MYZAP: variants seen among roughly 807,000 people sequenced by gnomAD.
MYZAP encodes the protein myocardial zonula adherens protein.
MYZAP carries 66 observed loss-of-function variants against 69.4 expected under a neutral mutation model. That is an observed-to-expected ratio of 0.95 (90% confidence interval 0.78 to 1.17). The LOEUF (loss-of-function observed/expected upper bound fraction) is 1.17, where lower values mean the gene tolerates loss of function less well. Ranked by LOEUF, MYZAP falls within the 50% of genes most tolerant of loss-of-function variation. The probability of loss-of-function intolerance (pLI) is 0.00; values close to 1 mark genes in which losing one functional copy is unlikely to be tolerated. For missense variants in MYZAP, 611 were observed against 556.2 expected, an observed-to-expected ratio of 1.10 and a Z score of -0.99; for synonymous variants, 256 against 205.9, an observed-to-expected ratio of 1.24 and a Z score of -2.09.
intron 2 of MYZAP, among the ~76,000 whole-genome samples, chr15:57,612,933 A>C (rs12324010): frequency 0.081 from 12,212 of 151,014 alleles, 591 homozygotes; most frequent in Admixed American, 0.13. Context: ...TAAGCCTTTT[A>C]TTTTCTTTTT....
At chr15:57,616,441 C>A (rs2035451405) in intron 2 of MYZAP, among the ~76,000 whole-genome samples, 2 of 152,184 alleles carry the variant, frequency 1.3e-5, no homozygotes, top group South Asian at 4.1e-4. Flanking sequence ...AGCTCGAGAC[C>A]ATCCTGGCCA....
intron 11 of MYZAP, among the ~76,000 whole-genome samples, chr15:57,671,280 C>G (rs1226424809): frequency 6.6e-6 from 1 of 152,028 alleles, no homozygotes. Context: ...TGTAGTGATT[C>G]AAATGATTAT....
At chr15:57,671,084 T>C (rs1326090173) in intron 11 of MYZAP, among the ~76,000 whole-genome samples, 5 of 152,134 alleles carry the variant, frequency 3.3e-5, no homozygotes, top group Non-Finnish European at 1.5e-5. Flanking sequence ...CGCCTCAGCC[T>C]GAAGAAATTT....
chr15:57,684,648 G>A lies in MYZAP; in HGVS notation c.*150G>A. ...AGGCTCTGATCCACTTCTAAGACAG[G>A]AAGGAAAGTGAAGGCAGAGTGAGCA... is the stretch of plus-strand genomic sequence containing the variant. On this transcript the variant is annotated 3_prime_UTR_variant, in exon 13 of 13. Transcript: ENST00000267853. 3.3e-6 allele frequency: 2 copies of A among 608,866 alleles called. No homozygotes were observed. The highest frequency in any genetic ancestry group is 5.8e-6 in the Non-Finnish European group (2 of 345,484). 37.7% of individuals were successfully genotyped at this position (608,866 alleles called of 1,614,324 possible).
intron 8 of MYZAP, among the ~76,000 whole-genome samples, chr15:57,635,780 C>T (rs781069560): frequency 2.6e-5 from 4 of 152,238 alleles, no homozygotes; most frequent in Non-Finnish European, 5.9e-5. Context: ...TGGCAGTGTA[C>T]GTATCCTGCT....
intron 1 of MYZAP, among the ~76,000 whole-genome samples, chr15:57,593,853 A>G (rs775758323): frequency 2.0e-5 from 3 of 152,130 alleles, no homozygotes; most frequent in Non-Finnish European, 4.4e-5. Context: ...CAGATGTTAC[A>G]AGTACTATCT....
intron 2 of MYZAP, among the ~76,000 whole-genome samples, chr15:57,610,657 T>G (rs775369271): frequency 1.3e-5 from 2 of 152,172 alleles, no homozygotes; most frequent in Non-Finnish European, 2.9e-5. Flanking sequence ...TTCCAAACAT[T>G]CCTTTATTCA....
At chr15:57,617,931 T>A (rs1234351517) in intron 2 of MYZAP, 102 bp from the exon 3 acceptor site, 7 of 1,431,054 alleles carry the variant, frequency 4.9e-6, no homozygotes, top group Non-Finnish European at 6.5e-6. Context: ...CAATGAGTGC[T>A]GGGCACAATT....
intron 5 of MYZAP, among the ~76,000 whole-genome samples, chr15:57,626,426 G>A (rs574630628): frequency 6.6e-6 from 1 of 152,298 alleles, no homozygotes; most frequent in South Asian, 2.1e-4. Context: ...TCTTATATTT[G>A]TGAAAATGCA....
At chr15:57,684,313 A>G (rs567094848) in intron 12 of MYZAP, 89 bp from the exon 13 acceptor site, 1 of 821,510 alleles carries the variant, frequency 1.2e-6, no homozygotes, top group Non-Finnish European at 2.0e-6. Context: ...ACACTTAAAC[A>G]CCATTTTCTA....
intron 6 of MYZAP, 147 bp downstream of exon 6, chr15:57,630,001 C>T (rs2036406325): frequency 5.0e-6 from 4 of 807,422 alleles, no homozygotes; most frequent in Middle Eastern, 4.4e-4. Flanking sequence ...CAGAGTCTCA[C>T]TCTGTCACCC....
chr15:57,654,853 G>A (rs2037930451), intron 10 of MYZAP, among the ~76,000 whole-genome samples: 1 of 151,196 alleles, frequency 6.6e-6, no homozygotes, highest in Non-Finnish European at 1.5e-5. Context: ...TGACGTATAA[G>A]CTCTTTTCAA....
intron 4 of MYZAP, among the ~76,000 whole-genome samples, chr15:57,624,347 G>A (rs1190362054): frequency 2.6e-5 from 4 of 152,150 alleles, no homozygotes; most frequent in African/African-American, 9.7e-5. Flanking sequence ...GTAACACCTA[G>A]TACCTTGATT....
intron 11 of MYZAP, among the ~76,000 whole-genome samples, chr15:57,666,561 A>C (rs1360751057): frequency 6.6e-6 from 1 of 152,174 alleles, no homozygotes; most frequent in Non-Finnish European, 1.5e-5. Flanking sequence ...CTGTCAGACT[A>C]CATTTTCATC....
chr15:57,593,212 A>ACACACACACACACACACACACCCC (rs770540454), intron 1 of MYZAP, among the ~76,000 whole-genome samples: 24 of 124,992 alleles, frequency 1.9e-4, no homozygotes, highest in African/African-American at 7.8e-4. Flanking sequence ...ACACACACAC[A>ACACACACACACACACACACACCCC]CACCCCAGAA....
At chr15:57,613,313 TG>T (rs1444264967) in intron 2 of MYZAP, among the ~76,000 whole-genome samples, 2 of 152,206 alleles carry the variant, frequency 1.3e-5, no homozygotes, top group African/African-American at 4.8e-5. Context: ...TTTTAAAATT[TG>T]TTTTTTTAGT....
intron 2 of MYZAP, among the ~76,000 whole-genome samples, chr15:57,616,948 C>G (rs557769189): frequency 1.4e-5 from 2 of 139,936 alleles, no homozygotes; most frequent in African/African-American, 5.5e-5. Context: ...GTGGGATTGT[C>G]GAGGTACCTG....
intron 1 of MYZAP, chr15:57,599,713 G>A: frequency 1.6e-6 from 2 of 1,288,688 alleles, no homozygotes; most frequent in Non-Finnish European, 2.0e-6. Flanking sequence ...GGTAAGGAAT[G>A]CTGCCTTGAT....
intron 5 of MYZAP, among the ~76,000 whole-genome samples, chr15:57,626,572 A>G (rs374411973): frequency 5.3e-5 from 8 of 152,238 alleles, no homozygotes; most frequent in African/African-American, 1.9e-4. Flanking sequence ...AAAGCAAAGC[A>G]TTGTATGTAT....
Sources: allele counts gnomAD v4.1 joint callset (sites outside exome capture counted in the v4.1 genomes callset), GRCh38; gene constraint gnomAD v4.1.1; transcripts MANE v1.5; gene names NCBI Gene and HGNC (gene_info 2026-07-23, HGNC 2026-07-21).